CHL1: variants seen among roughly 807,000 people sequenced by gnomAD.
CHL1 encodes neural cell adhesion molecule L1-like protein.
A neutral mutation model predicts 141.9 loss-of-function variants in CHL1; 96 were observed. The observed-to-expected ratio is 0.68, with a 90% CI of 0.57 to 0.80. The LOEUF (loss-of-function observed/expected upper bound fraction) is 0.80, where lower values mean the gene tolerates loss of function less well. Ranked by LOEUF, CHL1 falls within the 30% of genes least tolerant of loss-of-function variation. The pLI is 0.00. For synonymous variants in CHL1, 613 were observed against 502.2 expected, an observed-to-expected ratio of 1.22 and a Z score of -2.95; for missense variants, 1,820 against 1,457.2, an observed-to-expected ratio of 1.25 and a Z score of -4.05.
At chr3:258,819 G>A (rs1694421115) in intron 2 of CHL1, among the ~76,000 whole-genome samples, 2 of 150,886 alleles carry the variant, frequency 1.3e-5, no homozygotes, top group South Asian at 4.2e-4. Context: ...CATACCCTAA[G>A]GTTACTAACT....
rs746570023 is a variant in CHL1 at position 360,433 on chromosome 3, G to T, written c.1306+9G>T. 3 of 1,612,652 alleles carry T rather than the reference G, an allele frequency of 1.9e-6. No homozygotes were observed. The highest frequency in any genetic ancestry group is 2.5e-6 in the Non-Finnish European group (3 of 1,179,366). On this transcript the variant is annotated intron_variant, in intron 12 of 27. Coordinates refer to ENST00000256509, the MANE Select transcript of CHL1 (RefSeq NM_006614.4). ...CAATATTGATGTTGTGGGTGAGTGT[G>T]CCTGGGAGCTGACTTAACATGCTAT...
intron 2 of CHL1, among the ~76,000 whole-genome samples, chr3:268,185 T>C (rs1198107698): frequency 6.6e-6 from 1 of 152,182 alleles, no homozygotes; most frequent in East Asian, 1.9e-4. Context: ...GGTAAAATAA[T>C]TTGGAATAAT....
chr3:383,636 T>C (rs1420353271), intron 18 of CHL1, among the ~76,000 whole-genome samples, 180 bp from the exon 19 acceptor site: 1 of 152,180 alleles, frequency 6.6e-6, no homozygotes, highest in Non-Finnish European at 1.5e-5. Flanking sequence ...TTTTACTCTT[T>C]TAAATAAAAT....
intron 16 of CHL1, among the ~76,000 whole-genome samples, chr3:381,855 A>G (rs1201335698): frequency 6.6e-6 from 1 of 152,104 alleles, no homozygotes; most frequent in African/African-American, 2.4e-5. Context: ...AACAACTTAG[A>G]GACATATATT....
chr3:289,096 G>T (rs1031444811), intron 2 of CHL1, among the ~76,000 whole-genome samples: 2 of 152,070 alleles, frequency 1.3e-5, no homozygotes, highest in African/African-American at 2.4e-5. Flanking sequence ...CAAGAGAAAT[G>T]AATAATATCT....
At chr3:318,158 T>A (rs1559245735) in intron 2 of CHL1, among the ~76,000 whole-genome samples, 2 of 151,886 alleles carry the variant, frequency 1.3e-5, no homozygotes, top group Non-Finnish European at 2.9e-5. Context: ...GCATAAACAG[T>A]GTTGCTGTTC....
rs374469917 is a variant in CHL1, at chr3:349,388, T to C, written c.878T>C (p.Ile293Thr). 62 of 1,613,654 alleles carry C rather than the reference T, an allele frequency of 3.8e-5. No individual in the cohort carries two copies. The highest frequency in any genetic ancestry group is 6.7e-5 in the Admixed American group (4 of 59,938). ...LPTPQVDWNK[I>T]GGDLPKGRET... ...ACTCCACAGGTTGATTGGAACAAAA[T>C]TGGTGGTGACTTACCAAAGGGGAGA... is the stretch of plus-strand genomic sequence containing the variant. Residue 293 changes from isoleucine (I) to threonine (T), a missense_variant, in exon 10 of 28, where the codon ATT (isoleucine) becomes ACT (threonine). Transcript: ENST00000256509.
Position 389,374 on chromosome 3 carries a change from G to A in CHL1, c.2370G>A (p.Thr790=), listed in dbSNP as rs752967602. The part of the protein sequence containing the change: ...TVTNHTLRVM[T]PAVYAPYDVK... ...CAAACCACACATTGCGGGTGATGAC[G>A]CCTGCTGTCTATGCCCCTTATGATG... is the stretch of plus-strand genomic sequence containing the variant. The change falls in exon 20 of 28, where the codon ACG becomes ACA. Residue 790 remains threonine, a synonymous_variant. Coordinates refer to ENST00000256509, the MANE Select transcript of CHL1 (RefSeq NM_006614.4). 1.1e-5 allele frequency: 18 copies of A among 1,614,056 alleles called. No individual in the cohort carries two copies. The highest frequency in any genetic ancestry group is 5.0e-5 in the Admixed American group (3 of 60,002).
chr3:234,814 G>C (rs1197627040), intron 1 of CHL1, among the ~76,000 whole-genome samples: 2 of 152,120 alleles, frequency 1.3e-5, no homozygotes, highest in Non-Finnish European at 1.5e-5. Context: ...ACACAGAATA[G>C]TCAAGTAATA....
chr3:252,424 C>A (rs1220328892), intron 2 of CHL1, among the ~76,000 whole-genome samples: 1 of 126,174 alleles, frequency 7.9e-6, no homozygotes, highest in Non-Finnish European at 1.6e-5. Context: ...ATTTTAAAAT[C>A]TCACTCATGT....
intron 27 of CHL1, among the ~76,000 whole-genome samples, chr3:402,548 A>T (rs1709227312): frequency 6.6e-6 from 1 of 152,224 alleles, no homozygotes; most frequent in African/African-American, 2.4e-5. Context: ...ATTTTAGCAC[A>T]TGGGAAACCA....
At position 325,948 on chromosome 3, in the gene CHL1, T is replaced by G. The variant is rs762879135; in HGVS notation, c.92-11T>G. On this transcript the variant is annotated splice_polypyrimidine_tract_variant and intron_variant, in intron 3 of 27. Coordinates refer to ENST00000256509, the MANE Select transcript of CHL1 (RefSeq NM_006614.4). ...AATAGTGTGTTTTTAAGTACATATTTTAATATTTAGTTCAACAGGTTCCAA... is the reference window on the plus strand; with the variant it reads ...AATAGTGTGTTTTTAAGTACATATTGTAATATTTAGTTCAACAGGTTCCAA... 6.3e-7 allele frequency: 1 copy of G among 1,585,358 alleles called. No homozygotes were observed. Among genetic ancestry groups the G allele is most frequent in the Non-Finnish European group, 8.6e-7 (1 of 1,157,280 alleles).
In CHL1 at chr3:353,733, G is replaced by A. The variant is rs148453541; in HGVS notation, c.1034-907G>A. ...CATACATATATCTTTGAAGACTTTCGTTTTTAGCTAAAAATGGAAATCTAA... is the reference window on the plus strand; with the variant it reads ...CATACATATATCTTTGAAGACTTTCATTTTTAGCTAAAAATGGAAATCTAA... On this transcript the variant is annotated intron_variant, in intron 10 of 27. Transcript: ENST00000256509. Among the ~76,000 whole-genome samples, 648 of 151,702 alleles carry A rather than the reference G, an allele frequency of 4.3e-3. 5 individuals carry two copies. The highest frequency in any genetic ancestry group is 0.014 in the African/African-American group (577 of 41,344).
In CHL1 at chr3:397,842, T is replaced by C. The variant is rs1013700032; in HGVS notation, c.3095-385T>C. Among the ~76,000 whole-genome samples, 6 of 152,240 alleles carry C rather than the reference T, an allele frequency of 3.9e-5. No homozygotes were observed. The South Asian group carries it at 8.3e-4, about 21-fold the overall frequency. ...CAAAAAAAAGCAATATATAGTTAGTTACGATTATAAGGTTATGTGCTGTCA... is the reference window on the plus strand; with the variant it reads ...CAAAAAAAAGCAATATATAGTTAGTCACGATTATAAGGTTATGTGCTGTCA... On this transcript the variant is annotated intron_variant, in intron 24 of 27. Transcript: ENST00000256509.
intron 2 of CHL1, among the ~76,000 whole-genome samples, chr3:316,612 C>A (rs919531701): frequency 1.3e-5 from 2 of 151,844 alleles, no homozygotes; most frequent in African/African-American, 2.4e-5. Context: ...CTTCATGTGA[C>A]TTAACTTCAA....
intron 3 of CHL1, 81 bp from the exon 4 acceptor site, chr3:325,878 A>C: frequency 1.2e-6 from 1 of 817,162 alleles, no homozygotes; most frequent in Non-Finnish European, 2.0e-6. Context: ...TATACAAAAG[A>C]GGTTTAAAGT....
chr3:266,212 G>A (rs2125221977), intron 2 of CHL1, among the ~76,000 whole-genome samples: 1 of 152,266 alleles, frequency 6.6e-6, no homozygotes, highest in South Asian at 2.1e-4. Context: ...AGAGTAGTCA[G>A]CTCAGCTTAA....
chr3:228,374 T>A (rs1383128230), intron 1 of CHL1, among the ~76,000 whole-genome samples: 1 of 152,110 alleles, frequency 6.6e-6, no homozygotes, highest in Non-Finnish European at 1.5e-5. Flanking sequence ...TTGTACTATT[T>A]CCTTCTTAAA....
At chr3:237,654 A>G (rs1164148832) in intron 1 of CHL1, among the ~76,000 whole-genome samples, 4 of 152,218 alleles carry the variant, frequency 2.6e-5, no homozygotes, top group Non-Finnish European at 5.9e-5. Context: ...TAACTTTGTA[A>G]ATCATACCTA....
Sources: allele counts gnomAD v4.1 joint callset (sites outside exome capture counted in the v4.1 genomes callset), GRCh38; gene constraint gnomAD v4.1.1; transcripts MANE v1.5; gene names NCBI Gene and HGNC (gene_info 2026-07-23, HGNC 2026-07-21).